SHANK2: variants seen among roughly 807,000 people sequenced by gnomAD.
SHANK2 encodes SH3 and multiple ankyrin repeat domains 2.
A neutral mutation model predicts 133.7 loss-of-function variants in SHANK2; 43 were observed. That is an observed-to-expected ratio of 0.32 (90% CI 0.25 to 0.41). The LOEUF is 0.41. SHANK2 is among the 10% of genes least tolerant of loss of function. SHANK2 has a pLI of 1.00. For synonymous variants in SHANK2, 1,017 were observed against 952.8 expected, an observed-to-expected ratio of 1.07 and a Z score of -1.24; for missense variants, 1,994 against 2,235.8, an observed-to-expected ratio of 0.89 and a Z score of 2.18.
At chr11:71,244,442 C>G (rs114421088) in intron 1 of SHANK2, among the ~76,000 whole-genome samples, 2,275 of 152,360 alleles carry the variant, frequency 0.015, 59 homozygotes, top group African/African-American at 0.052. Flanking sequence ...TCACACGCTC[C>G]TCCCAGAGGC....
intron 25 of SHANK2, among the ~76,000 whole-genome samples, chr11:70,482,349 A>G (rs1250069712): frequency 6.6e-6 from 1 of 152,202 alleles, no homozygotes; most frequent in Non-Finnish European, 1.5e-5. Flanking sequence ...CTTGCTGACC[A>G]AAGAGCTTGG....
chr11:70,630,336 T>G (rs1478894052), intron 17 of SHANK2, among the ~76,000 whole-genome samples: 2 of 152,028 alleles, frequency 1.3e-5, no homozygotes, highest in Admixed American at 6.6e-5. Context: ...ACTGTGAGGG[T>G]GGCAGACAGA....
At chr11:70,615,829 C>T (rs1157525627) in intron 17 of SHANK2, among the ~76,000 whole-genome samples, 1 of 152,154 alleles carries the variant, frequency 6.6e-6, no homozygotes, top group Admixed American at 6.5e-5. Context: ...GCCACCTTGG[C>T]CGGTATTGGC....
chr11:71,070,475 A>T (rs2135965732), intron 9 of SHANK2, among the ~76,000 whole-genome samples: 1 of 152,336 alleles, frequency 6.6e-6, no homozygotes, highest in South Asian at 2.1e-4. Flanking sequence ...GGGGGCACAC[A>T]GGCAGGAGTT....
rs1949664144 is a variant in SHANK2 at position 70,881,746 on chromosome 11, A to C, written c.1174+14755T>G. On this transcript the variant is annotated intron_variant, in intron 11 of 25. Coordinates refer to ENST00000601538, the MANE Select transcript of SHANK2 (RefSeq NM_012309.5). ...TTTGGCTTTAATTTTATTTTTTTTT[A>C]AGAGACCAGGTTTTGCTCTGTTGCC... Among the ~76,000 whole-genome samples the C allele has an allele frequency of 3.5e-5, 5 of 143,754 alleles. No homozygotes were observed. In the South Asian group the frequency reaches 1.1e-3, roughly 32 times the overall value. 94.3% of individuals were successfully genotyped at this position (143,754 alleles called of 152,430 possible). A position where few individuals can be genotyped will look rare whatever the true frequency, so the allele number is the denominator to read the frequency against.
Position 71,175,545 on chromosome 11 carries a change from GGAGAGGGAGA to G in SHANK2, c.-12-28217_-12-28208del, listed in dbSNP as rs1240967193. 0.11 allele frequency among the ~76,000 whole-genome samples: 8,706 copies of G among 78,448 alleles called. 433 individuals are homozygous for G. The highest frequency in any genetic ancestry group is 0.24 in the Admixed American group (1,517 of 6,360). The allele number at this position is 78,448 out of a possible 152,430, so 51.5% of individuals were successfully genotyped here. ...GACAGACAGACAGACAGAGGGAGAG[GGAGAGGGAGA>G]GAGAGAGAGAGAGAGAGAGAGAGAG... On this transcript the variant is annotated intron_variant, in intron 2 of 25. Transcript: ENST00000601538. This position sits in a 1 kb window ranked among gnomAD's most constrained non-coding sequence, Gnocchi z 4.2.
chr11:71,078,877 C>T (rs1237933002), intron 8 of SHANK2, among the ~76,000 whole-genome samples: 1 of 152,236 alleles, frequency 6.6e-6, no homozygotes, highest in Non-Finnish European at 1.5e-5. Flanking sequence ...CTGGGGCAGC[C>T]CTGCTCTGCA....
intron 11 of SHANK2, chr11:70,895,559 C>A (rs1555075529): frequency 6.6e-6 from 1 of 152,468 alleles, no homozygotes; most frequent in African/African-American, 2.4e-5. Context: ...CTGGTTGGCA[C>A]AAGGGGTACT....
chr11:70,795,859 T>C (rs1947898530), intron 14 of SHANK2, among the ~76,000 whole-genome samples: 1 of 151,946 alleles, frequency 6.6e-6, no homozygotes, highest in Non-Finnish European at 1.5e-5. Context: ...GGAAACAAAT[T>C]CTCCCCCACA....
chr11:70,618,162 G>C (rs1304554514), intron 17 of SHANK2, among the ~76,000 whole-genome samples: 1 of 151,842 alleles, frequency 6.6e-6, no homozygotes, highest in African/African-American at 2.4e-5. Context: ...CAGACGTGGT[G>C]GCACGCCTGT....
chr11:70,723,335 C>T (rs1256452522), intron 14 of SHANK2, among the ~76,000 whole-genome samples: 1 of 151,936 alleles, frequency 6.6e-6, no homozygotes, highest in Non-Finnish European at 1.5e-5. Flanking sequence ...CTCTCGCTGG[C>T]CTGATGAAGC....
chr11:70,645,040 G>A (rs1269868219), intron 17 of SHANK2, among the ~76,000 whole-genome samples: 1 of 152,094 alleles, frequency 6.6e-6, no homozygotes, highest in African/African-American at 2.4e-5. Context: ...TGGCCAACAT[G>A]GTGAAACCCA....
At chr11:70,773,785 T>A (rs1947304435) in intron 14 of SHANK2, among the ~76,000 whole-genome samples, 1 of 152,208 alleles carries the variant, frequency 6.6e-6, no homozygotes, top group Non-Finnish European at 1.5e-5. Context: ...ATAGGTCTAA[T>A]ACCCACTAAG....
chr11:70,719,439 G>T (rs974143850), intron 14 of SHANK2, among the ~76,000 whole-genome samples: 24 of 152,190 alleles, frequency 1.6e-4, no homozygotes, highest in African/African-American at 5.5e-4. Context: ...GGTTGCTGGG[G>T]ATGAGGATGG....
rs11411212 is a variant in SHANK2 at position 70,934,246 on chromosome 11, C to CAA, written c.1108-37681_1108-37680dup. 3.5e-3 allele frequency among the ~76,000 whole-genome samples: 396 copies of CAA among 113,888 alleles called. 2 individuals are homozygous for CAA. The highest frequency in any genetic ancestry group is 7.0e-3 in the South Asian group (23 of 3,264). The allele number at this position is 113,888 out of a possible 152,430, so 74.7% of individuals were successfully genotyped here. On this transcript the variant is annotated intron_variant, in intron 10 of 25. Transcript: ENST00000601538. ...GACTGTGTCTCAACAACAACACCAC[C>CAA]AAAAAAAAAAAAAAAAAACAGCAGC...
rs569940011 is a variant in SHANK2 at position 70,805,458 on chromosome 11, C to T, written c.1663+1544G>A. ...GGTTGCTAACAAGGCCGGCATCGGC[C>T]CTGATCCCTGCACAGATGGCCCCTC... On this transcript the variant is annotated intron_variant, in intron 13 of 25. Transcript: ENST00000601538. 2.0e-5 allele frequency among the ~76,000 whole-genome samples: 3 copies of T among 152,336 alleles called. No individual in the cohort carries two copies. The East Asian group carries it at 5.8e-4, about 29-fold the overall frequency.
At chr11:70,738,182 T>A (rs1946446897) in intron 14 of SHANK2, among the ~76,000 whole-genome samples, 1 of 152,258 alleles carries the variant, frequency 6.6e-6, no homozygotes, top group Admixed American at 6.5e-5. Context: ...CAGGAGGGGC[T>A]TGGCAGCAAT....
intron 17 of SHANK2, among the ~76,000 whole-genome samples, chr11:70,636,609 G>GTA (rs1393448955): frequency 3.9e-5 from 6 of 151,986 alleles, no homozygotes; most frequent in East Asian, 3.9e-4. Context: ...ATGAGTGTGT[G>GTA]TATGCGAGCA....
intron 11 of SHANK2, chr11:70,864,258 T>TAGTGAGA: frequency 6.0e-6 from 1 of 165,440 alleles, no homozygotes; most frequent in Middle Eastern, 3.2e-3. Flanking sequence ...TGGAGGTGGG[T>TAGTGAGA]AGTGAGAAGG....
Sources: gnomAD v4.1 joint callset for allele counts (sites outside exome capture counted in the v4.1 genomes callset) on GRCh38, gnomAD v4.1.1 for gene constraint, Gnocchi (gnomAD v3.1) non-coding constraint, MANE v1.5 for transcripts, NCBI Gene and HGNC (gene_info 2026-07-23, HGNC 2026-07-21) for gene names.